The following OPCML variants were observed in gnomAD, a reference collection of about 807,000 sequenced individuals.
OPCML encodes the protein opioid-binding protein/cell adhesion molecule.
In OPCML, 13 loss-of-function variants were observed where a neutral mutation model predicts 37.8. The observed-to-expected ratio is 0.34, with a 90% CI of 0.22 to 0.55. OPCML has a LOEUF of 0.55. Among genes scored for constraint, OPCML ranks in the 20% least tolerant of loss-of-function variants. The pLI is 0.91. For missense variants in OPCML, 341 were observed against 435.6 expected (o/e 0.78, Z 1.93); for synonymous variants, 176 against 168.8 (o/e 1.04, Z -0.33).
chr11:132,652,263 C>T lies in OPCML; in HGVS notation c.379+4824G>A, dbSNP rs200634046. On this transcript the variant is annotated intron_variant, in intron 3 of 7. Coordinates refer to ENST00000524381, the MANE Select transcript of OPCML (RefSeq NM_001012393.5). ...ACATCATTTATTGTAGCTTTGGTGT[C>T]CCACTCCCACCACTAATTTTCTTTC... 2.0e-5 allele frequency among the ~76,000 whole-genome samples: 3 copies of T among 152,138 alleles called. No homozygotes were observed. The East Asian group carries it at 5.8e-4, about 29-fold the overall frequency.
intron 7 of OPCML, among the ~76,000 whole-genome samples, chr11:132,427,097 A>G (rs570187325): frequency 1.8e-4 from 27 of 152,338 alleles, no homozygotes; most frequent in African/African-American, 6.3e-4. Flanking sequence ...ACCATAAACT[A>G]TATAGCTGAA....
chr11:132,648,413 C>T (rs975490901), intron 3 of OPCML, among the ~76,000 whole-genome samples: 2 of 152,146 alleles, frequency 1.3e-5, no homozygotes, highest in Admixed American at 6.5e-5. Flanking sequence ...TTCCTTCCAT[C>T]TCCACATCAG....
At chr11:133,001,296 G>C (rs1946997134) in intron 1 of OPCML, among the ~76,000 whole-genome samples, 1 of 152,098 alleles carries the variant, frequency 6.6e-6, no homozygotes, top group Non-Finnish European at 1.5e-5. Flanking sequence ...ATTTACACAT[G>C]TGCACACACA....
intron 1 of OPCML, chr11:133,005,206 G>A (rs1782222336): frequency 1.0e-6 from 1 of 985,182 alleles, no homozygotes; most frequent in African/African-American, 1.7e-5. Flanking sequence ...TATCCCCACT[G>A]CCAACCACAA....
At chr11:133,333,462 C>G (rs1417988350) in intron 1 of OPCML, among the ~76,000 whole-genome samples, 1 of 152,060 alleles carries the variant, frequency 6.6e-6, no homozygotes, top group Non-Finnish European at 1.5e-5. Context: ...TGAAGCTGGA[C>G]CGCTTCCTTA....
At chr11:132,911,256 G>T (rs946482192) in intron 2 of OPCML, among the ~76,000 whole-genome samples, 14 of 152,200 alleles carry the variant, frequency 9.2e-5, no homozygotes, top group African/African-American at 3.4e-4. Flanking sequence ...CTCAACAGCT[G>T]GAAACCAGTC....
At chr11:132,682,971 G>C (rs1477134635) in intron 2 of OPCML, among the ~76,000 whole-genome samples, 1 of 152,180 alleles carries the variant, frequency 6.6e-6, no homozygotes, top group Non-Finnish European at 1.5e-5. Context: ...TTCAAGGCCA[G>C]TCAGAAGAAT....
intron 1 of OPCML, among the ~76,000 whole-genome samples, chr11:133,250,035 AC>A (rs1331047756): frequency 5.9e-5 from 9 of 152,254 alleles, no homozygotes; most frequent in African/African-American, 2.2e-4. Context: ...CAATGAAGGA[AC>A]CAACCATGTC....
At chr11:132,743,445 G>A (rs919742108) in intron 2 of OPCML, among the ~76,000 whole-genome samples, 1 of 152,054 alleles carries the variant, frequency 6.6e-6, no homozygotes, top group Non-Finnish European at 1.5e-5. Context: ...AAGGATTATG[G>A]GAAGGACATC....
At chr11:132,434,634 C>T (rs183771536) in intron 7 of OPCML, among the ~76,000 whole-genome samples, 5 of 152,284 alleles carry the variant, frequency 3.3e-5, no homozygotes, top group South Asian at 2.1e-4. Flanking sequence ...ACAGCCCTGA[C>T]ATGATGCCTA....
chr11:133,407,797 T>A (rs1476507049), intron 1 of OPCML, among the ~76,000 whole-genome samples: 3 of 152,228 alleles, frequency 2.0e-5, no homozygotes, highest in East Asian at 3.8e-4. Flanking sequence ...GATGCATTTT[T>A]AAAAATACCC....
Position 133,378,658 on chromosome 11 carries a change from T to TTTTC in OPCML, c.61+153602_61+153605dup, listed in dbSNP as rs368708463. Among the ~76,000 whole-genome samples the TTTTC allele has an allele frequency of 7.3e-5, 11 of 151,478 alleles. No individual in the cohort carries two copies. In the South Asian group the frequency reaches 1.7e-3, roughly 23 times the overall value. Reference sequence around the variant, plus strand: ...TTTTTGCTGCATGCGAATTTCTTTCTTTTCTTTCTTTCTTTTCTTTTCTTT... The same window carrying TTTTC: ...TTTTTGCTGCATGCGAATTTCTTTCTTTTCTTTCTTTCTTTCTTTTCTTTTCTTT... On this transcript the variant is annotated intron_variant, in intron 1 of 7. Coordinates refer to ENST00000524381, the MANE Select transcript of OPCML (RefSeq NM_001012393.5).
intron 2 of OPCML, among the ~76,000 whole-genome samples, chr11:132,792,938 C>T (rs576035680): frequency 6.6e-6 from 1 of 152,348 alleles, no homozygotes. Flanking sequence ...GCCCAGTGCT[C>T]CTGACAGGAC....
intron 1 of OPCML, among the ~76,000 whole-genome samples, chr11:133,432,055 G>A (rs558061191): frequency 4.6e-5 from 7 of 151,988 alleles, no homozygotes; most frequent in African/African-American, 7.2e-5. Context: ...GAGTACATAC[G>A]GACATAAAGA....
chr11:133,197,382 A>T (rs897366164), intron 1 of OPCML, among the ~76,000 whole-genome samples: 4 of 152,244 alleles, frequency 2.6e-5, no homozygotes, highest in African/African-American at 9.6e-5. Context: ...ATGTTCACTC[A>T]TTAAAGGCAG....
At chr11:133,033,107 T>A (rs1176623112) in intron 1 of OPCML, among the ~76,000 whole-genome samples, 2 of 152,214 alleles carry the variant, frequency 1.3e-5, no homozygotes, top group Non-Finnish European at 2.9e-5. Context: ...AGAATGCAGA[T>A]ATTACCCAGA....
At chr11:133,079,351 C>A (rs1948673241) in intron 1 of OPCML, among the ~76,000 whole-genome samples, 1 of 152,120 alleles carries the variant, frequency 6.6e-6, no homozygotes, top group Non-Finnish European at 1.5e-5. Flanking sequence ...ATTGACCATG[C>A]AGGAATGTCA....
chr11:132,938,307 A>G (rs1945462009), intron 2 of OPCML, among the ~76,000 whole-genome samples: 1 of 152,132 alleles, frequency 6.6e-6, no homozygotes, highest in African/African-American at 2.4e-5. Flanking sequence ...CCTAGTGTGG[A>G]TCTGTTAGAA....
At chr11:133,073,016 C>A (rs1412634655) in intron 1 of OPCML, among the ~76,000 whole-genome samples, 1 of 152,164 alleles carries the variant, frequency 6.6e-6, no homozygotes, top group Non-Finnish European at 1.5e-5. Flanking sequence ...ACAGAGAGAG[C>A]TCTTGAGTGA....
Sources: gnomAD v4.1 joint callset for allele counts (sites outside exome capture counted in the v4.1 genomes callset) on GRCh38, gnomAD v4.1.1 for gene constraint, MANE v1.5 for transcripts, NCBI Gene and HGNC (gene_info 2026-07-23, HGNC 2026-07-21) for gene names.